The following WDFY4 variants were observed in gnomAD, a reference collection of about 807,000 sequenced individuals.
The protein encoded by WDFY4 is WD repeat- and FYVE domain-containing protein 4.
Under a neutral mutation model 351.9 loss-of-function variants are expected in WDFY4, and 169 were observed. The ratio of observed to expected loss-of-function variants is 0.48; its 90% CI spans 0.42 to 0.55. WDFY4 has a LOEUF of 0.55. Ranked by LOEUF, WDFY4 falls within the 20% of genes least tolerant of loss-of-function variation. The pLI, the probability that WDFY4 is intolerant of heterozygous loss-of-function variation, is 0.00. For synonymous variants in WDFY4, 1,622 were observed against 1,574.6 expected (o/e 1.03, Z -0.71); for missense variants, 3,803 against 3,935.6 (o/e 0.97, Z 0.90).
At chr10:48,943,236 C>T (rs1589964719) in intron 48 of WDFY4, 94 bp from the exon 49 acceptor site, 1 of 1,457,168 alleles carries the variant, frequency 6.9e-7, no homozygotes, top group Admixed American at 2.1e-5. Flanking sequence ...ACCCACAGAG[C>T]CAGGGCCTGC....
chr10:48,754,809 C>T (rs955482266), intron 12 of WDFY4, among the ~76,000 whole-genome samples: 1 of 152,102 alleles, frequency 6.6e-6, no homozygotes, highest in African/African-American at 2.4e-5. Flanking sequence ...AAGAAACACT[C>T]CTGAGCACCT....
intron 41 of WDFY4, 48 bp downstream of exon 41, chr10:48,873,745 A>T (rs1043214975): frequency 6.5e-7 from 1 of 1,535,806 alleles, no homozygotes; most frequent in Admixed American, 2.0e-5. Flanking sequence ...GTAGGGCCTG[A>T]TAGGAAAGCA....
intron 10 of WDFY4, among the ~76,000 whole-genome samples, chr10:48,734,382 G>A (rs1179513388): frequency 6.6e-6 from 1 of 151,906 alleles, no homozygotes; most frequent in African/African-American, 2.4e-5. Flanking sequence ...GTAACATACG[G>A]GCAAAGAAAT....
In WDFY4 at chr10:48,807,933, TC is replaced by T. The variant is rs35450901; in HGVS notation, c.4819del (p.Gln1607SerfsTer14). On this transcript the variant is annotated frameshift_variant, in exon 28 of 62. Transcript: ENST00000325239. LOFTEE classifies it high-confidence loss of function. ...LLEMLLSVIS[S>X]PQLHLSSESK... ...GGAGATGCTGCTCAGTGTAATATCT[TC>T]CCCCCAGCTTCATCTGTCCTCTGAG... is the stretch of plus-strand genomic sequence containing the variant. The T allele has an allele frequency of 6.5e-7, 1 of 1,547,170 alleles. No homozygotes were observed. The highest frequency in any genetic ancestry group is 8.7e-7 in the Non-Finnish European group (1 of 1,145,328).
chr10:48,960,211 A>G (rs1481642935), intron 53 of WDFY4, among the ~76,000 whole-genome samples: 1 of 152,332 alleles, frequency 6.6e-6, no homozygotes, highest in East Asian at 1.9e-4. Flanking sequence ...CTGGGGAGAA[A>G]TTGGCTTATT....
chr10:48,907,693 G>T (rs1837691490), intron 47 of WDFY4, among the ~76,000 whole-genome samples: 1 of 152,148 alleles, frequency 6.6e-6, no homozygotes, highest in South Asian at 2.1e-4. Context: ...CCCCTTCCTA[G>T]CATTTCTCCT....
At position 48,970,131 on chromosome 10, in the gene WDFY4, G is replaced by T; in HGVS notation, c.8770G>T (p.Val2924Phe). Reference sequence around the variant, plus strand: ...CGCTCATCCCCCTTATCTCCTACAGGTCCTGATGACATTCGAGAACCTGGC... The same window carrying T: ...CGCTCATCCCCCTTATCTCCTACAGTTCCTGATGACATTCGAGAACCTGGC... The part of the protein sequence containing the change: ...CCLGSYGSDK[V>F]LMTFENLAAW... The change falls in exon 57 of 62, where the codon GTC becomes TTC. Residue 2924 changes from valine (V) to phenylalanine (F), a missense_variant and splice_region_variant. Physicochemically the swap from Val to Phe is conservative, Grantham distance 50. This residue lies in a region of WDFY4 where 3,054 missense variants were observed against 3,148.6 expected (regional missense o/e 0.97). Coordinates refer to ENST00000325239, the MANE Select transcript of WDFY4 (RefSeq NM_001394531.1). 2.6e-6 allele frequency: 4 copies of T among 1,551,480 alleles called. No homozygotes were observed. Among genetic ancestry groups the T allele is most frequent in the Non-Finnish European group, 3.5e-6 (4 of 1,146,986 alleles).
chr10:48,928,976 A>G (rs1232911973), intron 47 of WDFY4, among the ~76,000 whole-genome samples: 2 of 152,186 alleles, frequency 1.3e-5, no homozygotes, highest in Non-Finnish European at 2.9e-5. Context: ...AAGCAAAAAT[A>G]AGGTGTAATG....
Position 48,977,947 on chromosome 10 carries a change from G to A in WDFY4, c.9292-362G>A, listed in dbSNP as rs150523962. 2.0e-4 allele frequency among the ~76,000 whole-genome samples: 30 copies of A among 152,292 alleles called. No individual in the cohort carries two copies. In the East Asian group the frequency reaches 5.6e-3, roughly 29 times the overall value. On this transcript the variant is annotated intron_variant, in intron 59 of 61. Coordinates refer to ENST00000325239, the MANE Select transcript of WDFY4 (RefSeq NM_001394531.1). ...GGTGCCCAGCCACCCAGGGGTGAGG[G>A]AGTACTCTAGAGGTGGTAGCATTAT... is the stretch of plus-strand genomic sequence containing the variant.
chr10:48,823,857 C>A, intron 35 of WDFY4: 1 of 986,496 alleles, frequency 1.0e-6, no homozygotes, highest in Non-Finnish European at 1.2e-6. Context: ...GTTTGAGACC[C>A]ATCTGAGGAG....
chr10:48,965,667 G>T (rs1293628648), intron 54 of WDFY4, among the ~76,000 whole-genome samples: 3 of 151,204 alleles, frequency 2.0e-5, no homozygotes, highest in Non-Finnish European at 4.4e-5. Context: ...ACGCCTGGTG[G>T]ATGACTTGCA....
chr10:48,978,533 C>A, intron 60 of WDFY4, 140 bp downstream of exon 60: 1 of 732,816 alleles, frequency 1.4e-6, no homozygotes, highest in Non-Finnish European at 2.1e-6. Context: ...CAGAGAGGTT[C>A]AGTGACTTGC....
intron 38 of WDFY4, among the ~76,000 whole-genome samples, chr10:48,831,816 G>A (rs945053511): frequency 2.6e-5 from 4 of 152,188 alleles, no homozygotes; most frequent in African/African-American, 7.2e-5. Context: ...AGGGAGAAAT[G>A]CTGTGTCCTC....
intron 19 of WDFY4, among the ~76,000 whole-genome samples, chr10:48,784,283 T>G: frequency 6.6e-6 from 1 of 152,198 alleles, no homozygotes. Context: ...CGAAAATGAT[T>G]GTATCATTTG....
chr10:48,933,997 C>G (rs747753724), intron 47 of WDFY4, among the ~76,000 whole-genome samples: 10 of 152,058 alleles, frequency 6.6e-5, no homozygotes, highest in Non-Finnish European at 1.5e-4. Flanking sequence ...GCTCAGGGGC[C>G]CTGCAGGGTG....
intron 47 of WDFY4, among the ~76,000 whole-genome samples, chr10:48,941,517 A>G (rs146383752): frequency 0.01 from 1,592 of 152,274 alleles, 12 homozygotes; most frequent in Non-Finnish European, 0.017. Context: ...GGAGGCCCCC[A>G]AGCCTGAGGC....
intron 30 of WDFY4, 60 bp downstream of exon 30, chr10:48,811,768 G>A: frequency 6.6e-7 from 1 of 1,513,972 alleles, no homozygotes; most frequent in Non-Finnish European, 8.9e-7. Flanking sequence ...ACATGACTAA[G>A]GCAGGTCGCC....
chr10:48,796,528 C>T, intron 24 of WDFY4, 78 bp downstream of exon 24: 1 of 1,480,224 alleles, frequency 6.8e-7, no homozygotes, highest in Non-Finnish European at 9.0e-7. Context: ...TTCCCCTAAA[C>T]CTAGCATGTC....
intron 47 of WDFY4, among the ~76,000 whole-genome samples, chr10:48,921,608 A>G (rs537647325): frequency 0.077 from 355 of 4,608 alleles, 1 homozygote; most frequent in African/African-American, 0.11. Flanking sequence ...GCTCTGTGGA[A>G]AAAAAAAACG....
Sources: allele counts gnomAD v4.1 joint callset (sites outside exome capture counted in the v4.1 genomes callset), GRCh38; gene constraint gnomAD v4.1.1; regional missense constraint gnomAD v4.1.1; transcripts MANE v1.5; gene names NCBI Gene and HGNC (gene_info 2026-07-23, HGNC 2026-07-21).